Variants in MIPEP observed in about 807,000 individuals in gnomAD.
MIPEP encodes mitochondrial intermediate peptidase.
MIPEP carries 79 observed loss-of-function variants against 90.3 expected under a neutral mutation model. The ratio of observed to expected loss-of-function variants is 0.87; its 90% CI spans 0.73 to 1.05. The LOEUF (loss-of-function observed/expected upper bound fraction) is 1.05, where lower values mean the gene tolerates loss of function less well. Ranked by LOEUF, MIPEP falls within the 50% of genes least tolerant of loss-of-function variation. The pLI is 0.00. For synonymous variants in MIPEP, 334 were observed against 315.8 expected, an observed-to-expected ratio of 1.06 and a Z score of -0.61; for missense variants, 940 against 905.6, an observed-to-expected ratio of 1.04 and a Z score of -0.49.
chr13:23,825,901 T>C (rs1375908759), intron 14 of MIPEP, among the ~76,000 whole-genome samples: 1 of 152,188 alleles, frequency 6.6e-6, no homozygotes, highest in East Asian at 1.9e-4. Flanking sequence ...TTAACTTCTC[T>C]TAACATCGCT....
intron 2 of MIPEP, among the ~76,000 whole-genome samples, chr13:23,885,935 G>C (rs555404251): frequency 2.1e-4 from 31 of 148,136 alleles, no homozygotes; most frequent in African/African-American, 7.6e-4. Flanking sequence ...AAAAGAAAAA[G>C]GGGAATTTTG....
chr13:23,844,372 A>T, intron 10 of MIPEP, among the ~76,000 whole-genome samples: 1 of 152,196 alleles, frequency 6.6e-6, no homozygotes, highest in East Asian at 1.9e-4. Context: ...TCACCACTCC[A>T]TCCTAACAAG....
In MIPEP at chr13:23,846,826, AATGATG is replaced by A. The variant is rs10549277; in HGVS notation, c.1107-5344_1107-5339del. On this transcript the variant is annotated intron_variant, in intron 10 of 18. Transcript: ENST00000382172. The stretch of plus-strand genomic sequence containing the variant: ...TACAAACAGAAAACTATCACTACCA[AATGATG>A]ATGATGATGATGATGATGATGGTAA... 4.6e-3 allele frequency among the ~76,000 whole-genome samples: 660 copies of A among 144,474 alleles called. 3 individuals carry two copies. Among genetic ancestry groups the A allele is most frequent in the African/African-American group, 0.015 (625 of 40,612 alleles). The allele number at this position is 144,474 out of a possible 152,430, so 94.8% of individuals were successfully genotyped here. A position where few individuals can be genotyped will look rare whatever the true frequency, so the allele number is the denominator to read the frequency against.
intron 10 of MIPEP, among the ~76,000 whole-genome samples, chr13:23,853,169 T>C (rs753925756): frequency 1.3e-5 from 2 of 152,166 alleles, no homozygotes; most frequent in Non-Finnish European, 2.9e-5. Context: ...TATCTTTCTA[T>C]AAATTTAGTG....
chr13:23,801,215 A>G (rs1439285100), intron 16 of MIPEP, among the ~76,000 whole-genome samples: 1 of 152,212 alleles, frequency 6.6e-6, no homozygotes, highest in Non-Finnish European at 1.5e-5. Flanking sequence ...GTCATCTTCT[A>G]TCCGATATGG....
intron 18 of MIPEP, 102 bp downstream of exon 18, chr13:23,756,443 C>A (rs1221788688): frequency 1.6e-6 from 2 of 1,239,314 alleles, no homozygotes; most frequent in African/African-American, 3.0e-5. Flanking sequence ...AGGCATGAAC[C>A]ACCACACCTG....
chr13:23,746,431 G>A (rs1593129260), intron 18 of MIPEP, among the ~76,000 whole-genome samples: 1 of 151,444 alleles, frequency 6.6e-6, no homozygotes, highest in African/African-American at 2.4e-5. Flanking sequence ...GTCAGGAGTT[G>A]GAGACCAGCC....
At chr13:23,831,383 C>CGGCGGGGGGGGGGGGGGGGGGG (rs1555237538) in intron 14 of MIPEP, among the ~76,000 whole-genome samples, 1 of 40,918 alleles carries the variant, frequency 2.4e-5, no homozygotes, top group African/African-American at 8.3e-5. Context: ...TTCCCCATGG[C>CGGCGGGGGGGGGGGGGGGGGGG]GGGGGGGGGA....
At chr13:23,758,825 G>A (rs1417042994) in intron 17 of MIPEP, among the ~76,000 whole-genome samples, 1 of 152,202 alleles carries the variant, frequency 6.6e-6, no homozygotes, top group Admixed American at 6.5e-5. Context: ...TGAGGTGGAG[G>A]TGGGAGGGAG....
At chr13:23,805,706 GC>G (rs1953099786) in intron 16 of MIPEP, among the ~76,000 whole-genome samples, 1 of 152,092 alleles carries the variant, frequency 6.6e-6, no homozygotes, top group African/African-American at 2.4e-5. Context: ...AACTCCAATG[GC>G]CTTTTTAACC....
chr13:23,861,872 G>C (rs1465429370), intron 9 of MIPEP, among the ~76,000 whole-genome samples: 5 of 152,228 alleles, frequency 3.3e-5, no homozygotes, highest in East Asian at 3.9e-4. Flanking sequence ...GGTATACTTT[G>C]TTAGTCAAAT....
intron 16 of MIPEP, among the ~76,000 whole-genome samples, chr13:23,786,514 A>G (rs529544410): frequency 2.0e-5 from 3 of 152,318 alleles, no homozygotes; most frequent in African/African-American, 4.8e-5. Flanking sequence ...ATAACAAAAT[A>G]GGGGAAATAC....
At chr13:23,815,528 C>G (rs112256070) in intron 14 of MIPEP, among the ~76,000 whole-genome samples, 15,387 of 152,148 alleles carry the variant, frequency 0.1, 991 homozygotes, top group Non-Finnish European at 0.14. Context: ...GGGCTGGTCT[C>G]GAACTCCTGA....
At chr13:23,889,084 G>T in intron 1 of MIPEP, 48 bp downstream of exon 1, 2 of 1,362,858 alleles carry the variant, frequency 1.5e-6, no homozygotes, top group Non-Finnish European at 1.9e-6. Flanking sequence ...GCGGAGCAGG[G>T]GTCGGCTTAG....
At chr13:23,759,378 AC>A (rs1952516532) in intron 17 of MIPEP, among the ~76,000 whole-genome samples, 1 of 126,458 alleles carries the variant, frequency 7.9e-6, no homozygotes, top group South Asian at 2.8e-4. Flanking sequence ...GGGATACCCC[AC>A]CCCCACCAGA....
intron 18 of MIPEP, among the ~76,000 whole-genome samples, chr13:23,733,216 G>A: frequency 6.6e-6 from 1 of 152,226 alleles, no homozygotes; most frequent in Non-Finnish European, 1.5e-5. Flanking sequence ...AGAGAAAGAT[G>A]AATTCCAATG....
At position 23,809,843 on chromosome 13, in the gene MIPEP, T is replaced by G; in HGVS notation, c.1728+7A>C. ...CGGAAAACTTCAGAACAAAGGTACA[T>G]ACATACCTGAAGTTGCATATCAGCT... On this transcript the variant is annotated splice_region_variant and intron_variant, in intron 15 of 18. Coordinates refer to ENST00000382172, the MANE Select transcript of MIPEP (RefSeq NM_005932.4). The G allele has an allele frequency of 6.3e-7, 1 of 1,598,786 alleles. No homozygotes were observed. The highest frequency in any genetic ancestry group is 8.6e-7 in the Non-Finnish European group (1 of 1,166,512).
At chr13:23,742,083 A>AC (rs1170325324) in intron 18 of MIPEP, among the ~76,000 whole-genome samples, 1 of 152,212 alleles carries the variant, frequency 6.6e-6, no homozygotes, top group Non-Finnish European at 1.5e-5. Context: ...ATGCAGTTCC[A>AC]CCAACAGCCT....
intron 15 of MIPEP, among the ~76,000 whole-genome samples, chr13:23,809,536 G>T (rs1027895483): frequency 9.9e-5 from 15 of 151,968 alleles, no homozygotes; most frequent in African/African-American, 3.6e-4. Flanking sequence ...GTAGAGATGG[G>T]GTTTCACCGT....
Sources: gnomAD v4.1 joint callset for allele counts (sites outside exome capture counted in the v4.1 genomes callset) on GRCh38, gnomAD v4.1.1 for gene constraint, MANE v1.5 for transcripts, NCBI Gene and HGNC (gene_info 2026-07-23, HGNC 2026-07-21) for gene names.